HSD17B4: variants seen among roughly 807,000 people sequenced by gnomAD.
HSD17B4 encodes peroxisomal multifunctional enzyme type 2.
HSD17B4 carries 70 observed loss-of-function variants against 101.0 expected under a neutral mutation model. That is an observed-to-expected ratio of 0.69 (90% CI 0.57 to 0.85). HSD17B4 has a LOEUF of 0.85. Among genes scored for constraint, HSD17B4 ranks in the 40% least tolerant of loss-of-function variants. HSD17B4 has a pLI of 0.00. For synonymous variants in HSD17B4, 347 were observed against 297.1 expected (o/e 1.17, Z -1.73); for missense variants, 984 against 892.4 (o/e 1.10, Z -1.31).
intron 11 of HSD17B4, among the ~76,000 whole-genome samples, chr5:119,495,420 T>C (rs1052812509): frequency 6.6e-6 from 1 of 152,204 alleles, no homozygotes. Flanking sequence ...CCAGAGCATC[T>C]CTTCTACTGT....
At chr5:119,484,713 A>G (rs1262433894) in intron 8 of HSD17B4, among the ~76,000 whole-genome samples, 1 of 152,170 alleles carries the variant, frequency 6.6e-6, no homozygotes, top group Non-Finnish European at 1.5e-5. Context: ...CATTTGAACT[A>G]ACATTCATTT....
chr5:119,514,839 G>T, intron 16 of HSD17B4, 142 bp from the exon 17 acceptor site: 1 of 645,274 alleles, frequency 1.5e-6, no homozygotes, highest in East Asian at 2.7e-5. Context: ...ATTATTTCCT[G>T]AGCATGATTT....
At chr5:119,539,590 A>C (rs1754815168) in intron 23 of HSD17B4, among the ~76,000 whole-genome samples, 1 of 151,948 alleles carries the variant, frequency 6.6e-6, no homozygotes, top group Non-Finnish European at 1.5e-5. Context: ...TAATAATAAT[A>C]ATAAAAAAGA....
chr5:119,529,797 G>A, intron 20 of HSD17B4, 97 bp from the exon 21 acceptor site: 1 of 746,248 alleles, frequency 1.3e-6, no homozygotes, highest in Non-Finnish European at 2.4e-6. Context: ...TTCATATGAG[G>A]CAAAAATAAT....
chr5:119,458,486 C>A (rs532160201), intron 2 of HSD17B4, among the ~76,000 whole-genome samples: 1 of 150,472 alleles, frequency 6.6e-6, no homozygotes, highest in Non-Finnish European at 1.5e-5. Flanking sequence ...GGATTACAGG[C>A]GCCTGCCACC....
At chr5:119,524,059 TA>T (rs1753356627) in intron 17 of HSD17B4, among the ~76,000 whole-genome samples, 1 of 152,138 alleles carries the variant, frequency 6.6e-6, no homozygotes, top group Admixed American at 6.6e-5. Flanking sequence ...AAAGTGCTTT[TA>T]AAAAATTATC....
chr5:119,459,367 C>T (rs995452853), intron 2 of HSD17B4, among the ~76,000 whole-genome samples: 2 of 152,190 alleles, frequency 1.3e-5, no homozygotes, highest in Non-Finnish European at 2.9e-5. Context: ...TCAGTCCCTG[C>T]TTACCATATA....
intron 2 of HSD17B4, among the ~76,000 whole-genome samples, chr5:119,464,924 G>C (rs930571505): frequency 6.6e-6 from 1 of 152,076 alleles, no homozygotes; most frequent in Non-Finnish European, 1.5e-5. Flanking sequence ...AGTATATTTT[G>C]AAGTCAAGTA....
chr5:119,509,359 C>G (rs1036188824), intron 16 of HSD17B4, 115 bp downstream of exon 16: 1 of 768,158 alleles, frequency 1.3e-6, no homozygotes, highest in Non-Finnish European at 2.4e-6. Flanking sequence ...GGCAAATTTT[C>G]TTATACATCT....
chr5:119,487,539 G>A (rs1561452745), intron 8 of HSD17B4: 1 of 151,890 alleles, frequency 6.6e-6, no homozygotes, highest in Non-Finnish European at 1.5e-5. Context: ...GCTAACCTAG[G>A]AGTTTGAGAA....
intron 7 of HSD17B4, chr5:119,477,746 G>C (rs552601921): frequency 4.2e-6 from 2 of 471,462 alleles, no homozygotes; most frequent in Non-Finnish European, 7.8e-6. Flanking sequence ...TTTTCTTGCT[G>C]CTCTCTGGCA....
chr5:119,454,541 A>G (rs1035625715), intron 1 of HSD17B4, among the ~76,000 whole-genome samples: 1 of 152,038 alleles, frequency 6.6e-6, no homozygotes, highest in Non-Finnish European at 1.5e-5. Flanking sequence ...CCTGGCCTCA[A>G]GTGATCCTTC....
intron 6 of HSD17B4, among the ~76,000 whole-genome samples, chr5:119,477,143 A>T (rs1056285665): frequency 6.6e-6 from 1 of 152,210 alleles, no homozygotes; most frequent in African/African-American, 2.4e-5. Flanking sequence ...TGAAGTAGGC[A>T]TAAAATAAGG....
At chr5:119,504,205 A>C (rs1183775661) in intron 14 of HSD17B4, among the ~76,000 whole-genome samples, 2 of 152,028 alleles carry the variant, frequency 1.3e-5, no homozygotes, top group Non-Finnish European at 2.9e-5. Flanking sequence ...GATTGATTCC[A>C]TGTCTTTGCT....
At chr5:119,526,980 A>G (rs112283799) in intron 19 of HSD17B4, among the ~76,000 whole-genome samples, 153 bp from the exon 20 acceptor site, 1 of 152,072 alleles carries the variant, frequency 6.6e-6, no homozygotes, top group African/African-American at 2.4e-5. Context: ...TAATTTTATC[A>G]TATTATACTT....
chr5:119,455,599 A>G (rs1036499064), intron 1 of HSD17B4, among the ~76,000 whole-genome samples: 2 of 150,270 alleles, frequency 1.3e-5, no homozygotes, highest in Admixed American at 6.6e-5. Flanking sequence ...CTTTTTGGAT[A>G]TATAAATTTA....
chr5:119,531,142 A>G (rs1315664234), intron 21 of HSD17B4, 124 bp from the exon 22 acceptor site: 5 of 859,778 alleles, frequency 5.8e-6, no homozygotes, highest in Non-Finnish European at 9.6e-6. Context: ...GACACATTGT[A>G]TGAAGAAAAC....
intron 1 of HSD17B4, 36 bp downstream of exon 1, chr5:119,452,669 T>G (rs770733997): frequency 1.2e-6 from 2 of 1,613,060 alleles, no homozygotes; most frequent in East Asian, 4.5e-5. Flanking sequence ...CGCCCCTTGC[T>G]GAGGCGCAGC....
rs1481314355 is a variant in HSD17B4, at chr5:119,468,880, G to C, written c.113-5028G>C. ...AGTTTAAATATTCTTTCTTTTGCTT[G>C]ATGTAGTCTGTTGTTGAAGCTTTCA... On this transcript the variant is annotated intron_variant, in intron 2 of 23. Transcript: ENST00000510025. Among the ~76,000 whole-genome samples the C allele has an allele frequency of 2.7e-5, 4 of 148,762 alleles. No homozygotes were observed. The East Asian group carries it at 5.9e-4, about 22-fold the overall frequency.
Sources: gnomAD v4.1 joint callset for allele counts (sites outside exome capture counted in the v4.1 genomes callset) on GRCh38, gnomAD v4.1.1 for gene constraint, MANE v1.5 for transcripts, NCBI Gene and HGNC (gene_info 2026-07-23, HGNC 2026-07-21) for gene names.